TMEM131L: variants seen among roughly 807,000 people sequenced by gnomAD.
The protein encoded by TMEM131L is transmembrane protein 131-like.
A neutral mutation model predicts 192.2 loss-of-function variants in TMEM131L; 54 were observed. That is an observed-to-expected ratio of 0.28 (90% CI 0.23 to 0.35). The LOEUF is 0.35. Ranked by LOEUF, TMEM131L falls within the 10% of genes least tolerant of loss-of-function variation. The pLI is 1.00. For missense variants in TMEM131L, 1,888 were observed against 1,972.9 expected (o/e 0.96, Z 0.82); for synonymous variants, 701 against 704.9 (o/e 0.99, Z 0.09).
At position 153,550,534 on chromosome 4, in the gene TMEM131L, G is replaced by T. The variant is rs575309928; in HGVS notation, c.308+393G>T. 2.6e-3 allele frequency among the ~76,000 whole-genome samples: 393 copies of T among 152,202 alleles called. 1 individual carries two copies. Among genetic ancestry groups the T allele is most frequent in the African/African-American group, 9.1e-3 (378 of 41,522 alleles). On this transcript the variant is annotated intron_variant, in intron 4 of 34. Coordinates refer to ENST00000409959, the MANE Select transcript of TMEM131L (RefSeq NM_001131007.2). Reference sequence around the variant, plus strand: ...GTAGAGACGGGGTTTCACCGTGTTCGCCAGGATGGTCTTGATCTCCTGACT... The same window carrying T: ...GTAGAGACGGGGTTTCACCGTGTTCTCCAGGATGGTCTTGATCTCCTGACT...
At chr4:153,547,215 C>T (rs1249123636) in intron 3 of TMEM131L, among the ~76,000 whole-genome samples, 1 of 152,186 alleles carries the variant, frequency 6.6e-6, no homozygotes, top group South Asian at 2.1e-4. Flanking sequence ...TAGAGACACT[C>T]TGGCTATTTC....
intron 7 of TMEM131L, among the ~76,000 whole-genome samples, chr4:153,567,744 C>T (rs774762391): frequency 8.4e-4 from 128 of 152,112 alleles, no homozygotes; most frequent in Non-Finnish European, 1.4e-3. Flanking sequence ...GGTTTCACCA[C>T]GTTGGCCTGG....
chr4:153,477,491 G>A (rs926652634), intron 3 of TMEM131L, among the ~76,000 whole-genome samples: 1 of 152,116 alleles, frequency 6.6e-6, no homozygotes, highest in Admixed American at 6.5e-5. Context: ...CAAACTTTAA[G>A]ATATTCGTAG....
intron 3 of TMEM131L, among the ~76,000 whole-genome samples, chr4:153,511,379 C>G (rs955172433): frequency 1.3e-5 from 2 of 152,132 alleles, no homozygotes; most frequent in Non-Finnish European, 2.9e-5. Flanking sequence ...ACTAACAGAA[C>G]AGAAAACCAA....
chr4:153,602,196 A>G lies in TMEM131L; in HGVS notation c.2311A>G (p.Lys771Glu). The change falls in exon 22 of 35, where the codon AAA (lysine) becomes GAA (glutamate). Residue 771 changes from lysine to glutamate, a missense_variant. Lys to Glu is a moderately conservative substitution (Grantham distance 56). Coordinates refer to ENST00000409959, the MANE Select transcript of TMEM131L (RefSeq NM_001131007.2). ...KQILSITKNF[K>E]VENIGPLPIT... ...AATTTTATCTATTACAAAGAACTTT[A>G]AAGTTGAGAATATTGGACCTCTTCC... 1.2e-6 allele frequency: 2 copies of G among 1,609,592 alleles called. No homozygotes were observed. Among genetic ancestry groups the G allele is most frequent in the East Asian group, 4.5e-5 (2 of 44,800 alleles).
intron 3 of TMEM131L, among the ~76,000 whole-genome samples, chr4:153,544,441 A>G (rs1017622032): frequency 6.6e-6 from 1 of 152,194 alleles, no homozygotes; most frequent in Admixed American, 6.5e-5. Flanking sequence ...CTCATGGGCC[A>G]GCAAAGCCTT....
chr4:153,548,109 C>T (rs1364784398), intron 3 of TMEM131L, among the ~76,000 whole-genome samples: 5 of 152,074 alleles, frequency 3.3e-5, no homozygotes, highest in Non-Finnish European at 1.5e-5. Context: ...CACCTCTTCA[C>T]CTTCGTTACC....
chr4:153,467,191 A>AT lies in TMEM131L; in HGVS notation c.125-14dup, dbSNP rs767374134. Reference sequence around the variant, plus strand: ...TTAGCGTGCATTAAAAACGTGGTGTATTTTTTGGTGTTCCTGCAGCGATTG... The same window carrying AT: ...TTAGCGTGCATTAAAAACGTGGTGTATTTTTTTGGTGTTCCTGCAGCGATTG... On this transcript the variant is annotated intron_variant, in intron 1 of 34. Transcript: ENST00000409959. The AT allele has an allele frequency of 4.2e-4, 646 of 1,551,124 alleles. 1 individual carries two copies. The highest frequency in any genetic ancestry group is 5.3e-4 in the Non-Finnish European group (605 of 1,146,608).
intron 7 of TMEM131L, among the ~76,000 whole-genome samples, chr4:153,577,561 T>A (rs1730040716): frequency 6.6e-6 from 1 of 152,194 alleles, no homozygotes; most frequent in African/African-American, 2.4e-5. Context: ...CGGGCATGGC[T>A]GTGTTCCAAT....
chr4:153,550,538 G>A (rs1303585146), intron 4 of TMEM131L, among the ~76,000 whole-genome samples: 1 of 152,172 alleles, frequency 6.6e-6, no homozygotes, highest in African/African-American at 2.4e-5. Context: ...GTGTTCGCCA[G>A]GATGGTCTTG....
chr4:153,612,068 CTT>C (rs1362226276), intron 25 of TMEM131L, among the ~76,000 whole-genome samples, 182 bp from the exon 26 acceptor site: 2 of 152,028 alleles, frequency 1.3e-5, no homozygotes, highest in Admixed American at 6.5e-5. Flanking sequence ...TTGTAGAACT[CTT>C]AATATAAGTA....
At chr4:153,561,357 T>C (rs1000129727) in intron 7 of TMEM131L, among the ~76,000 whole-genome samples, 10 of 152,246 alleles carry the variant, frequency 6.6e-5, no homozygotes, top group African/African-American at 2.2e-4. Flanking sequence ...TGATGCCCTT[T>C]GAAGTACAAA....
intron 3 of TMEM131L, among the ~76,000 whole-genome samples, chr4:153,505,496 A>T (rs1238963654): frequency 2.0e-5 from 3 of 152,102 alleles, no homozygotes; most frequent in Non-Finnish European, 4.4e-5. Context: ...CTCTTTGAAG[A>T]TCTTATCTCC....
chr4:153,518,829 G>A (rs764459985), intron 3 of TMEM131L, among the ~76,000 whole-genome samples: 2 of 152,126 alleles, frequency 1.3e-5, no homozygotes, highest in African/African-American at 2.4e-5. Flanking sequence ...TTGTGACTCC[G>A]GGGGACACGT....
chr4:153,542,120 A>G (rs1042778055), intron 3 of TMEM131L, among the ~76,000 whole-genome samples: 2 of 152,250 alleles, frequency 1.3e-5, no homozygotes, highest in Non-Finnish European at 1.5e-5. Flanking sequence ...TGAAGGAAGC[A>G]TTAATCTGTG....
At chr4:153,551,617 G>C (rs563181792) in intron 4 of TMEM131L, among the ~76,000 whole-genome samples, 1 of 151,946 alleles carries the variant, frequency 6.6e-6, no homozygotes, top group Non-Finnish European at 1.5e-5. Context: ...TGGCCTCTCA[G>C]AGTGCTGGGA....
intron 3 of TMEM131L, among the ~76,000 whole-genome samples, chr4:153,537,494 A>G (rs1456137902): frequency 6.6e-6 from 1 of 152,236 alleles, no homozygotes; most frequent in African/African-American, 2.4e-5. Context: ...GATATGCTAA[A>G]TAAGGGGTGG....
chr4:153,506,550 C>T (rs1285469416), intron 3 of TMEM131L, among the ~76,000 whole-genome samples: 5 of 151,984 alleles, frequency 3.3e-5, no homozygotes, highest in Non-Finnish European at 7.4e-5. Flanking sequence ...ATGACTGATA[C>T]TAAGTATTTA....
intron 3 of TMEM131L, among the ~76,000 whole-genome samples, chr4:153,519,038 T>C (rs531454841): frequency 2.6e-5 from 4 of 152,332 alleles, no homozygotes; most frequent in South Asian, 4.1e-4. Context: ...TTATGTGTAA[T>C]ACTTTTTCTC....
Sources: allele counts gnomAD v4.1 joint callset (sites outside exome capture counted in the v4.1 genomes callset), GRCh38; gene constraint gnomAD v4.1.1; transcripts MANE v1.5; gene names NCBI Gene and HGNC (gene_info 2026-07-23, HGNC 2026-07-21).